The following AOPEP variants were observed in gnomAD, a reference collection of about 807,000 sequenced individuals.
The protein encoded by AOPEP is aminopeptidase O.
AOPEP carries 77 observed loss-of-function variants against 98.1 expected under a neutral mutation model. The observed-to-expected ratio is 0.78, with a 90% CI of 0.65 to 0.95. The LOEUF (loss-of-function observed/expected upper bound fraction) is 0.95, where lower values mean the gene tolerates loss of function less well. AOPEP is among the 40% of genes least tolerant of loss of function. The pLI is 0.00. For synonymous variants in AOPEP, 346 were observed against 365.3 expected (o/e 0.95, Z 0.60); for missense variants, 1,024 against 1,024.7 (o/e 1.00, Z 0.01).
chr9:94,961,593 G>A (rs2058846875), intron 9 of AOPEP, among the ~76,000 whole-genome samples: 1 of 151,972 alleles, frequency 6.6e-6, no homozygotes, highest in South Asian at 2.1e-4. Context: ...CTCTTGTACT[G>A]GTCCTTAATT....
At chr9:94,968,774 A>G (rs994561396) in intron 10 of AOPEP, among the ~76,000 whole-genome samples, 2 of 152,238 alleles carry the variant, frequency 1.3e-5, no homozygotes, top group African/African-American at 4.8e-5. Context: ...TAGCTGTTCA[A>G]TTAATGATTG....
intron 5 of AOPEP, chr9:94,809,920 A>G (rs1224706315): frequency 1.9e-5 from 3 of 155,816 alleles, no homozygotes; most frequent in African/African-American, 7.2e-5. Flanking sequence ...ATTGAGCCGC[A>G]GTCTTGGTAT....
chr9:94,923,951 A>G, intron 5 of AOPEP, 35 bp from the exon 6 acceptor site: 2 of 1,347,956 alleles, frequency 1.5e-6, no homozygotes, highest in South Asian at 3.8e-5. Context: ...AGGCTCTAAC[A>G]AGACTCTGTG....
chr9:95,033,367 C>A (rs575184612), intron 13 of AOPEP, among the ~76,000 whole-genome samples: 1 of 152,146 alleles, frequency 6.6e-6, no homozygotes, highest in South Asian at 2.1e-4. Flanking sequence ...TCCTTCCTTC[C>A]AGCAAAATGT....
intron 5 of AOPEP, chr9:94,824,707 C>T (rs1424915688): frequency 6.6e-6 from 1 of 152,038 alleles, no homozygotes; most frequent in East Asian, 1.9e-4. Context: ...TTTCAGGGCT[C>T]CTTGAAATGA....
intron 14 of AOPEP, among the ~76,000 whole-genome samples, chr9:95,074,866 A>G (rs1405051433): frequency 1.3e-5 from 2 of 152,222 alleles, no homozygotes; most frequent in Non-Finnish European, 2.9e-5. Context: ...GCCCAGCGTC[A>G]GCACCGGCAG....
intron 5 of AOPEP, among the ~76,000 whole-genome samples, chr9:94,905,339 C>T (rs921989349): frequency 2.0e-5 from 3 of 152,264 alleles, no homozygotes; most frequent in African/African-American, 7.2e-5. Flanking sequence ...TTATGCTCCA[C>T]TTACATATCG....
chr9:95,114,638 TG>T, the AOPEP span: 2 of 1,614,012 alleles, frequency 1.2e-6, no homozygotes, highest in South Asian at 2.2e-5. Flanking sequence ...CCCATGAGTC[TG>T]GTCTTCAACT....
intron 7 of AOPEP, among the ~76,000 whole-genome samples, chr9:94,950,014 A>G (rs1218859948): frequency 1.3e-5 from 2 of 152,198 alleles, no homozygotes; most frequent in African/African-American, 4.8e-5. Flanking sequence ...TTTGCATTCA[A>G]AATCAGCAGT....
At chr9:94,737,306 T>C (rs2131836517) in intron 1 of AOPEP, among the ~76,000 whole-genome samples, 1 of 152,196 alleles carries the variant, frequency 6.6e-6, no homozygotes, top group South Asian at 2.1e-4. Context: ...ATGGGGGTCT[T>C]GCTATATTGA....
chr9:95,086,133 G>A (rs1037991448), intron 16 of AOPEP: 2 of 1,358,502 alleles, frequency 1.5e-6, no homozygotes, highest in African/African-American at 1.5e-5. Flanking sequence ...AGTGCCCGAG[G>A]CTCAGGAGAG....
intron 1 of AOPEP, among the ~76,000 whole-genome samples, chr9:94,728,982 G>A (rs1829899301): frequency 6.6e-6 from 1 of 152,220 alleles, no homozygotes; most frequent in Non-Finnish European, 1.5e-5. Context: ...TAATCACTGA[G>A]GGAAAAGGAC....
chr9:95,005,526 G>C lies in AOPEP; in HGVS notation c.2041-16G>C. 6.2e-7 allele frequency: 1 copy of C among 1,612,406 alleles called. No individual in the cohort carries two copies. The highest frequency in any genetic ancestry group is 1.1e-5 in the South Asian group (1 of 91,026). ...CCTGTCGCCTTCTTTGAAATGCTGTGGTTTTTGAACCTCAGGTCACGAAAT... is the reference window on the plus strand; with the variant it reads ...CCTGTCGCCTTCTTTGAAATGCTGTCGTTTTTGAACCTCAGGTCACGAAAT... On this transcript the variant is annotated splice_polypyrimidine_tract_variant and intron_variant, in intron 12 of 16. Coordinates refer to ENST00000375315, the MANE Select transcript of AOPEP (RefSeq NM_001193329.3).
intron 5 of AOPEP, among the ~76,000 whole-genome samples, chr9:94,812,832 C>T (rs1850901828): frequency 6.6e-6 from 1 of 152,108 alleles, no homozygotes; most frequent in Admixed American, 6.5e-5. Flanking sequence ...GCAAAAGCAT[C>T]AGTTAGACCT....
chr9:95,072,268 C>CA (rs1402999546), intron 14 of AOPEP, among the ~76,000 whole-genome samples: 1 of 152,202 alleles, frequency 6.6e-6, no homozygotes, highest in East Asian at 1.9e-4. Flanking sequence ...ACCAAAAGGC[C>CA]AAAAGTGCTC....
At chr9:95,011,438 G>A (rs539277812) in intron 13 of AOPEP, among the ~76,000 whole-genome samples, 3 of 152,062 alleles carry the variant, frequency 2.0e-5, no homozygotes, top group African/African-American at 7.2e-5. Flanking sequence ...TCCTGACCTC[G>A]TGATCCGCCC....
chr9:95,016,503 A>G (rs576542647), intron 13 of AOPEP, among the ~76,000 whole-genome samples: 14 of 152,216 alleles, frequency 9.2e-5, no homozygotes, highest in African/African-American at 3.4e-4. Flanking sequence ...TTGGCCTCCC[A>G]AAGTGCTGGG....
chr9:94,831,341 T>G (rs2134455209), intron 5 of AOPEP, among the ~76,000 whole-genome samples: 1 of 152,310 alleles, frequency 6.6e-6, no homozygotes, highest in East Asian at 1.9e-4. Flanking sequence ...TTTTGTCAGG[T>G]TTGCCAAAGG....
chr9:94,866,069 C>G (rs965934778), intron 5 of AOPEP, among the ~76,000 whole-genome samples: 3 of 152,168 alleles, frequency 2.0e-5, no homozygotes, highest in Admixed American at 6.5e-5. Flanking sequence ...ACACAAAAGT[C>G]TTTATTCTCT....
Sources: gnomAD v4.1 joint callset for allele counts (sites outside exome capture counted in the v4.1 genomes callset) on GRCh38, gnomAD v4.1.1 for gene constraint, MANE v1.5 for transcripts, NCBI Gene and HGNC (gene_info 2026-07-23, HGNC 2026-07-21) for gene names.